Variants in OPCML observed in about 807,000 individuals in gnomAD.
OPCML encodes opioid binding protein/cell adhesion molecule like.
A neutral mutation model predicts 37.8 loss-of-function variants in OPCML; 13 were observed. The ratio of observed to expected loss-of-function variants is 0.34; its 90% CI spans 0.22 to 0.55. OPCML has a LOEUF of 0.55. OPCML is among the 20% of genes least tolerant of loss of function. OPCML has a pLI of 0.91. For synonymous variants in OPCML, 176 were observed against 168.8 expected (o/e 1.04, Z -0.33); for missense variants, 341 against 435.6 (o/e 0.78, Z 1.93).
At chr11:132,763,969 T>C (rs1223778331) in intron 2 of OPCML, among the ~76,000 whole-genome samples, 1 of 152,202 alleles carries the variant, frequency 6.6e-6, no homozygotes, top group Non-Finnish European at 1.5e-5. Flanking sequence ...CTCAGAAGCC[T>C]TGCTTTGCCT....
Position 133,001,427 on chromosome 11 carries a change from G to A in OPCML, c.62-58417C>T, listed in dbSNP as rs150485165. On this transcript the variant is annotated intron_variant, in intron 1 of 7. Coordinates refer to ENST00000524381, the MANE Select transcript of OPCML (RefSeq NM_001012393.5). ...AATCTCAGCAAATGATAAAGAAGAA[G>A]GCTATGTTTTTCATCTGGATGCTAT... Among the ~76,000 whole-genome samples the A allele has an allele frequency of 5.2e-4, 79 of 152,292 alleles. 1 individual carries two copies. In the East Asian group the frequency reaches 0.015, roughly 29 times the overall value.
At chr11:133,400,375 T>C (rs992710490) in intron 1 of OPCML, among the ~76,000 whole-genome samples, 6 of 152,230 alleles carry the variant, frequency 3.9e-5, no homozygotes, top group African/African-American at 1.4e-4. Context: ...AAAGCACTTA[T>C]AAGTTAAGCA....
chr11:133,025,635 T>C (rs2136911561), intron 1 of OPCML: 1 of 226,510 alleles, frequency 4.4e-6, no homozygotes, highest in East Asian at 1.8e-4. Context: ...TTGGCCAGGC[T>C]AGTCTCAAGT....
chr11:133,244,125 G>T (rs921687734), intron 1 of OPCML, among the ~76,000 whole-genome samples: 3 of 152,208 alleles, frequency 2.0e-5, no homozygotes, highest in Non-Finnish European at 2.9e-5. Flanking sequence ...CAATAGCACT[G>T]CTAGCCCATT....
chr11:133,084,325 T>C (rs1233758773), intron 1 of OPCML, among the ~76,000 whole-genome samples: 1 of 152,192 alleles, frequency 6.6e-6, no homozygotes, highest in Non-Finnish European at 1.5e-5. Context: ...TTGGTTCTTA[T>C]CATTCTCAAC....
intron 1 of OPCML, among the ~76,000 whole-genome samples, chr11:133,136,064 G>A (rs1452366402): frequency 2.0e-5 from 3 of 152,194 alleles, no homozygotes; most frequent in Non-Finnish European, 1.5e-5. Flanking sequence ...TAAGAATCTA[G>A]CTATTTACTA....
intron 2 of OPCML, among the ~76,000 whole-genome samples, chr11:132,821,539 G>C (rs542382981): frequency 3.3e-5 from 5 of 152,180 alleles, no homozygotes; most frequent in African/African-American, 4.8e-5. Flanking sequence ...AAAATTATCC[G>C]CTTGCCTCAA....
chr11:133,254,806 C>T (rs1290713510), intron 1 of OPCML, among the ~76,000 whole-genome samples: 1 of 152,078 alleles, frequency 6.6e-6, no homozygotes, highest in East Asian at 1.9e-4. Flanking sequence ...AGAGGGGAAC[C>T]TGAGAAACAG....
Position 132,883,599 on chromosome 11 carries a change from A to G in OPCML, c.146+59327T>C, listed in dbSNP as rs564999231. Among the ~76,000 whole-genome samples, 3 of 152,320 alleles carry G rather than the reference A, an allele frequency of 2.0e-5. No homozygotes were observed. In the South Asian group the frequency reaches 6.2e-4, roughly 32 times the overall value. ...TTAGGTTAGGATGACATACAGGAAT[A>G]CTGTTAGCGTTTTGAGACTGGGTAA... On this transcript the variant is annotated intron_variant, in intron 2 of 7. Coordinates refer to ENST00000524381, the MANE Select transcript of OPCML (RefSeq NM_001012393.5).
chr11:133,484,164 GTAGATAGATAGA>G (rs532495992), intron 1 of OPCML, among the ~76,000 whole-genome samples: 2 of 138,210 alleles, frequency 1.4e-5, no homozygotes, highest in South Asian at 4.5e-4. Flanking sequence ...AGATAGATAG[GTAGATAGATAGA>G]TAGATAGATA....
chr11:132,646,815 A>G (rs1276590356), intron 3 of OPCML, among the ~76,000 whole-genome samples: 1 of 152,226 alleles, frequency 6.6e-6, no homozygotes, highest in Non-Finnish European at 1.5e-5. Flanking sequence ...AGGGATACCC[A>G]AGTTGAGGAG....
At chr11:132,591,284 C>T (rs1243303246) in intron 3 of OPCML, among the ~76,000 whole-genome samples, 1 of 152,164 alleles carries the variant, frequency 6.6e-6, no homozygotes, top group Non-Finnish European at 1.5e-5. Context: ...AGGCAGGTGG[C>T]TCTTAATCCC....
At chr11:132,437,008 A>G in intron 5 of OPCML, 8 of 870,610 alleles carry the variant, frequency 9.2e-6, no homozygotes, top group Non-Finnish European at 1.1e-5. Context: ...TTCTCAGTTA[A>G]CAATTCTCTC....
chr11:132,530,730 A>C (rs1002620461), intron 3 of OPCML, among the ~76,000 whole-genome samples: 3 of 151,918 alleles, frequency 2.0e-5, no homozygotes, highest in African/African-American at 7.2e-5. Flanking sequence ...AGCTCTCTGG[A>C]GTCGAACCCC....
At chr11:133,284,636 C>T (rs1240425039) in intron 1 of OPCML, among the ~76,000 whole-genome samples, 1 of 152,086 alleles carries the variant, frequency 6.6e-6, no homozygotes, top group East Asian at 1.9e-4. Flanking sequence ...TTATTACCAT[C>T]TTGTGGTACT....
chr11:132,553,270 G>A (rs370889604), intron 3 of OPCML, among the ~76,000 whole-genome samples: 50 of 152,302 alleles, frequency 3.3e-4, no homozygotes, highest in African/African-American at 1.1e-3. Flanking sequence ...CAGATGGATC[G>A]TGGCTTATGG....
chr11:132,850,986 C>A (rs1941783561), intron 2 of OPCML, among the ~76,000 whole-genome samples: 1 of 152,094 alleles, frequency 6.6e-6, no homozygotes, highest in African/African-American at 2.4e-5. Context: ...ATGGGGTCTG[C>A]GAATAGAATT....
intron 1 of OPCML, among the ~76,000 whole-genome samples, chr11:133,057,693 A>G (rs1316834275): frequency 6.6e-6 from 1 of 152,102 alleles, no homozygotes; most frequent in African/African-American, 2.4e-5. Context: ...GCTAGTCACC[A>G]TCACATGCGT....
chr11:132,917,555 T>C (rs1234424825), intron 2 of OPCML, among the ~76,000 whole-genome samples: 2 of 152,144 alleles, frequency 1.3e-5, no homozygotes, highest in Admixed American at 6.5e-5. Context: ...TGCTTCTTCC[T>C]GGGAATTGGG....
Sources: gnomAD v4.1 joint callset for allele counts (sites outside exome capture counted in the v4.1 genomes callset) on GRCh38, gnomAD v4.1.1 for gene constraint, MANE v1.5 for transcripts, NCBI Gene and HGNC (gene_info 2026-07-23, HGNC 2026-07-21) for gene names.